The following CSMD1 variants were observed in gnomAD, a reference collection of about 807,000 sequenced individuals.
CSMD1 encodes CUB and Sushi multiple domains 1.
Under a neutral mutation model 417.5 loss-of-function variants are expected in CSMD1, and 213 were observed. That is an observed-to-expected ratio of 0.51 (90% CI 0.46 to 0.57). The LOEUF is 0.57. CSMD1 is among the 20% of genes least tolerant of loss of function. The pLI, the probability that CSMD1 is intolerant of heterozygous loss-of-function variation, is 0.00. For missense variants in CSMD1, 6,923 were observed against 4,529.7 expected (o/e 1.53, Z -15.17); for synonymous variants, 2,862 against 1,736.8 (o/e 1.65, Z -16.11).
At chr8:3,084,916 T>C (rs1468192305) in intron 49 of CSMD1, among the ~76,000 whole-genome samples, 4 of 141,880 alleles carry the variant, frequency 2.8e-5, no homozygotes, top group Non-Finnish European at 4.8e-5. Context: ...TTTTAAGCAT[T>C]ATAATCTATA....
intron 5 of CSMD1, among the ~76,000 whole-genome samples, chr8:3,757,877 CCAACA>C (rs1248299520): frequency 2.0e-5 from 3 of 149,744 alleles, no homozygotes; most frequent in Admixed American, 2.0e-4. Context: ...ACAAAAAAAA[CCAACA>C]ACAAAAACAC....
At chr8:4,512,008 C>T (rs1046668552) in intron 2 of CSMD1, among the ~76,000 whole-genome samples, 2 of 152,098 alleles carry the variant, frequency 1.3e-5, no homozygotes, top group African/African-American at 2.4e-5. Flanking sequence ...TGCAGACCAT[C>T]GTTTCTCATG....
intron 12 of CSMD1, among the ~76,000 whole-genome samples, chr8:3,461,664 C>G (rs1816513643): frequency 6.6e-6 from 1 of 152,206 alleles, no homozygotes; most frequent in Non-Finnish European, 1.5e-5. Flanking sequence ...ATGCCCAAGG[C>G]CTCACCAGTA....
At chr8:4,877,370 C>A (rs1398122555) in intron 1 of CSMD1, among the ~76,000 whole-genome samples, 1 of 151,960 alleles carries the variant, frequency 6.6e-6, no homozygotes, top group Non-Finnish European at 1.5e-5. Context: ...TTCTGTTTAT[C>A]ATAAAGAACT....
At chr8:4,991,504 A>G (rs1811459511) in intron 1 of CSMD1, among the ~76,000 whole-genome samples, 1 of 152,308 alleles carries the variant, frequency 6.6e-6, no homozygotes, top group Middle Eastern at 3.4e-3. Flanking sequence ...CCCACGCATC[A>G]AAAACTCTGC....
rs370374584 is a variant in CSMD1, at chr8:4,875,931, GA to G, written c.85+118400del. ...GAGTCTTTAATAGCAACAATTTAAA[GA>G]ATTTTCTTCATTAATAAGAGATGCT... On this transcript the variant is annotated intron_variant, in intron 1 of 69. Transcript: ENST00000635120. Among the ~76,000 whole-genome samples the G allele has an allele frequency of 5.3e-5, 8 of 152,008 alleles. No individual in the cohort carries two copies. In the South Asian group the frequency reaches 1.7e-3, roughly 32 times the overall value.
At position 4,719,884 on chromosome 8, in the gene CSMD1, T is replaced by A. The variant is rs182901282; in HGVS notation, c.86-82326A>T. On this transcript the variant is annotated intron_variant, in intron 1 of 69. Coordinates refer to ENST00000635120, the MANE Select transcript of CSMD1 (RefSeq NM_033225.6). ...TGGGAAAGGACTCCCTATGCAGGGC[T>A]CACATATCTATATTCGACCTCACTT... is the stretch of plus-strand genomic sequence containing the variant. Among the ~76,000 whole-genome samples, 441 of 152,258 alleles carry A rather than the reference T, an allele frequency of 2.9e-3. 6 individuals carry two copies. The highest frequency in any genetic ancestry group is 6.9e-3 in the Admixed American group (105 of 15,282).
intron 2 of CSMD1, among the ~76,000 whole-genome samples, chr8:4,492,236 T>C (rs1009567237): frequency 6.6e-6 from 1 of 152,146 alleles, no homozygotes; most frequent in African/African-American, 2.4e-5. Context: ...ACTACAGGCA[T>C]ATGTGAGCAT....
chr8:4,921,516 C>T (rs749939279), intron 1 of CSMD1, among the ~76,000 whole-genome samples: 1 of 152,174 alleles, frequency 6.6e-6, no homozygotes, highest in Admixed American at 6.5e-5. Flanking sequence ...ATGTTGGAAT[C>T]ACTATATAGT....
intron 11 of CSMD1, among the ~76,000 whole-genome samples, chr8:3,492,715 C>G (rs1357697760): frequency 3.9e-5 from 6 of 152,146 alleles, no homozygotes. Flanking sequence ...GTCTGTGATC[C>G]TGGTGAAAAC....
At position 4,396,070 on chromosome 8, in the gene CSMD1, T is replaced by G. The variant is rs1479284534; in HGVS notation, c.415+23883A>C. 2.0e-5 allele frequency among the ~76,000 whole-genome samples: 3 copies of G among 152,200 alleles called. No individual in the cohort carries two copies. In the East Asian group the frequency reaches 5.8e-4, roughly 29 times the overall value. ...CTATAATGTTGGCATGCATCACCCA[T>G]TTCTGTCTTATACCATCTCCATTTG... On this transcript the variant is annotated intron_variant, in intron 3 of 69. Transcript: ENST00000635120.
At chr8:3,921,584 G>C (rs931782325) in intron 5 of CSMD1, among the ~76,000 whole-genome samples, 10 of 151,800 alleles carry the variant, frequency 6.6e-5, no homozygotes, top group Middle Eastern at 3.4e-3. Context: ...TGGTGTGCTT[G>C]GTTTCCATTT....
chr8:4,497,455 G>A (rs1391319129), intron 2 of CSMD1, among the ~76,000 whole-genome samples: 2 of 152,148 alleles, frequency 1.3e-5, no homozygotes, highest in African/African-American at 4.8e-5. Context: ...AACCTTTCCA[G>A]GCCCAATTGT....
chr8:3,230,916 C>G (rs1798797172), intron 26 of CSMD1, among the ~76,000 whole-genome samples: 1 of 152,182 alleles, frequency 6.6e-6, no homozygotes, highest in Non-Finnish European at 1.5e-5. Context: ...AGAGGCCAGA[C>G]TCTGCAAAGC....
intron 54 of CSMD1, among the ~76,000 whole-genome samples, chr8:2,990,510 T>C (rs972221021): frequency 1.3e-5 from 2 of 152,166 alleles, no homozygotes; most frequent in African/African-American, 4.8e-5. Flanking sequence ...TACGAACCCA[T>C]TATTATATAA....
chr8:3,301,490 C>T (rs976743418), intron 25 of CSMD1, among the ~76,000 whole-genome samples: 3 of 152,074 alleles, frequency 2.0e-5, no homozygotes, highest in African/African-American at 4.8e-5. Context: ...GATCAGGGAA[C>T]AACACAGAAT....
rs189098046 is a variant in CSMD1, at chr8:3,925,130, A to G, written c.818+72773T>C. On this transcript the variant is annotated intron_variant, in intron 5 of 69. Transcript: ENST00000635120. Reference sequence around the variant, plus strand: ...AGTCAGTAAAGAGAGCCTGAGGCAGAGCCACCCAGCTAATCCACTTCCCAA... The same window carrying G: ...AGTCAGTAAAGAGAGCCTGAGGCAGGGCCACCCAGCTAATCCACTTCCCAA... Among the ~76,000 whole-genome samples the G allele has an allele frequency of 5.1e-3, 772 of 152,316 alleles. 31 individuals are homozygous for G. The highest frequency in any genetic ancestry group is 0.047 in the Admixed American group (716 of 15,302).
chr8:3,624,724 GT>G (rs1268115053), intron 7 of CSMD1, among the ~76,000 whole-genome samples: 1 of 152,180 alleles, frequency 6.6e-6, no homozygotes, highest in East Asian at 1.9e-4. Context: ...TAGGATATGT[GT>G]TTGAGGGACA....
intron 10 of CSMD1, among the ~76,000 whole-genome samples, chr8:3,573,587 A>G (rs1450869824): frequency 6.6e-6 from 1 of 152,210 alleles, no homozygotes; most frequent in Non-Finnish European, 1.5e-5. Flanking sequence ...TTTTAGAACT[A>G]AAATAAGCCA....
Sources: gnomAD v4.1 joint callset for allele counts (sites outside exome capture counted in the v4.1 genomes callset) on GRCh38, gnomAD v4.1.1 for gene constraint, MANE v1.5 for transcripts, NCBI Gene and HGNC (gene_info 2026-07-23, HGNC 2026-07-21) for gene names.